TANC2: variants seen among roughly 807,000 people sequenced by gnomAD.
TANC2 encodes tetratricopeptide repeat, ankyrin repeat and coiled-coil containing 2, also known as protein TANC2.
In TANC2, 26 loss-of-function variants were observed where a neutral mutation model predicts 210.5. The ratio of observed to expected loss-of-function variants is 0.12; its 90% CI spans 0.09 to 0.17. The LOEUF is 0.17. Ranked by LOEUF, TANC2 falls within the 10% of genes least tolerant of loss-of-function variation. The pLI is 1.00. For missense variants in TANC2, 2,129 were observed against 2,608.9 expected (o/e 0.82, Z 4.01); for synonymous variants, 931 against 967.1 (o/e 0.96, Z 0.69).
intron 5 of TANC2, chr17:63,182,551 C>A (rs2040825351): frequency 8.5e-6 from 2 of 235,832 alleles, no homozygotes; most frequent in Non-Finnish European, 1.7e-5. Context: ...TTTGGGGAAT[C>A]AAAGGGGTTC....
intron 7 of TANC2, among the ~76,000 whole-genome samples, chr17:63,204,041 G>A (rs1012625855): frequency 8.7e-5 from 13 of 149,406 alleles, no homozygotes; most frequent in African/African-American, 2.2e-4. Context: ...TGTTAATGCC[G>A]TGACTGCAAA....
chr17:63,381,209 A>G (rs1259870981), intron 15 of TANC2: 3 of 152,194 alleles, frequency 2.0e-5, no homozygotes, highest in Non-Finnish European at 4.4e-5. Flanking sequence ...ATTTTATCCC[A>G]TACATGGAAA....
At chr17:63,282,484 C>T (rs1042846984) in intron 9 of TANC2, among the ~76,000 whole-genome samples, 2 of 152,072 alleles carry the variant, frequency 1.3e-5, no homozygotes, top group African/African-American at 2.4e-5. Context: ...AACCTGCTAT[C>T]AGAAACCATC....
exon 4 of TANC2, chr17:63,099,214 A>G (rs1436156823): frequency 6.2e-7 from 1 of 1,603,818 alleles, no homozygotes; most frequent in East Asian, 2.3e-5. Flanking sequence ...TTTGAGCCAG[A>G]CTACGCTGTC....
intron 2 of TANC2, among the ~76,000 whole-genome samples, chr17:63,044,622 C>G (rs1021206405): frequency 2.6e-5 from 4 of 152,100 alleles, no homozygotes; most frequent in Admixed American, 6.5e-5. Context: ...AATGGACTTG[C>G]AAATGTAGGT....
At chr17:63,324,914 G>GT (rs2146665457) in intron 11 of TANC2, among the ~76,000 whole-genome samples, 1 of 152,060 alleles carries the variant, frequency 6.6e-6, no homozygotes, top group African/African-American at 2.4e-5. Context: ...TAAAACATTT[G>GT]TTTTTTGCTA....
chr17:63,202,114 T>G (rs1451705258), intron 7 of TANC2, among the ~76,000 whole-genome samples: 2 of 152,124 alleles, frequency 1.3e-5, no homozygotes, highest in Non-Finnish European at 2.9e-5. Context: ...AGCTTCTCAG[T>G]TTTTATGGCT....
intron 4 of TANC2, among the ~76,000 whole-genome samples, chr17:63,136,459 G>A (rs2039092184): frequency 6.6e-6 from 1 of 151,962 alleles, no homozygotes; most frequent in Admixed American, 6.6e-5. Flanking sequence ...GACATGAACA[G>A]ATCACTTATA....
intron 7 of TANC2, among the ~76,000 whole-genome samples, chr17:63,233,087 C>A (rs748032991): frequency 6.6e-6 from 1 of 152,164 alleles, no homozygotes; most frequent in Admixed American, 6.5e-5. Context: ...GGGTCTAAAC[C>A]GCCCAGTCTC....
At chr17:63,289,915 A>G (rs967512414) in intron 9 of TANC2, among the ~76,000 whole-genome samples, 2 of 151,734 alleles carry the variant, frequency 1.3e-5, no homozygotes, top group Non-Finnish European at 1.5e-5. Context: ...TGTAAGCTTC[A>G]TAAGTGTTCC....
chr17:63,237,965 T>C (rs755821811), exon 8 of TANC2: 1 of 1,587,670 alleles, frequency 6.3e-7, no homozygotes, highest in Non-Finnish European at 8.6e-7. Flanking sequence ...AAAACATGAC[T>C]GCTTCCACCT....
At chr17:63,036,178 G>A (rs2034964710) in intron 2 of TANC2, among the ~76,000 whole-genome samples, 2 of 151,780 alleles carry the variant, frequency 1.3e-5, no homozygotes, top group Admixed American at 6.6e-5. Context: ...AATGGTTCAT[G>A]TTTTTGCTAT....
At chr17:63,370,193 T>A (rs2047224212) in intron 14 of TANC2, among the ~76,000 whole-genome samples, 1 of 151,032 alleles carries the variant, frequency 6.6e-6, no homozygotes, top group Non-Finnish European at 1.5e-5. Flanking sequence ...TTTTTTTTTT[T>A]TTTGAGACAG....
intron 14 of TANC2, among the ~76,000 whole-genome samples, chr17:63,362,436 C>T (rs997619321): frequency 1.3e-5 from 2 of 152,182 alleles, no homozygotes; most frequent in African/African-American, 2.4e-5. Flanking sequence ...TCACTGGGGA[C>T]CCACTCCTTT....
chr17:63,273,890 G>A (rs553933729), intron 9 of TANC2, among the ~76,000 whole-genome samples: 15 of 152,290 alleles, frequency 9.8e-5, no homozygotes, highest in East Asian at 3.9e-4. Flanking sequence ...GGCAAGCCGT[G>A]TCTTAAACCT....
At chr17:63,323,550 T>C (rs911360658) in intron 11 of TANC2, among the ~76,000 whole-genome samples, 5 of 152,192 alleles carry the variant, frequency 3.3e-5, no homozygotes, top group African/African-American at 1.2e-4. Flanking sequence ...TTTCTCTAGG[T>C]TTTGAATCTG....
chr17:63,100,710 C>G (rs2037588532), intron 4 of TANC2, among the ~76,000 whole-genome samples: 1 of 152,132 alleles, frequency 6.6e-6, no homozygotes, highest in Admixed American at 6.6e-5. Flanking sequence ...TAGAAGTGAG[C>G]TGGATTGCCT....
In TANC2 at chr17:63,013,063, C is replaced by CT. The variant is rs760218214; in HGVS notation, c.67+3450dup. Among the ~76,000 whole-genome samples, 413 of 141,016 alleles carry CT rather than the reference C, an allele frequency of 2.9e-3. 2 individuals are homozygous for CT. The highest frequency in any genetic ancestry group is 0.022 in the Middle Eastern group (6 of 276). 92.5% of individuals were successfully genotyped at this position (141,016 alleles called of 152,430 possible). A position where few individuals can be genotyped will look rare whatever the true frequency, so the allele number is the denominator to read the frequency against. On this transcript the variant is annotated intron_variant, in intron 2 of 27. Transcript: ENST00000689528. ...TGCCTTCATTTTTGTAGATTTTTTT[C>CT]TTTTTTTTTTTTTAAGAGATGGGGT...
At chr17:63,068,454 G>A (rs2036281109) in intron 2 of TANC2, among the ~76,000 whole-genome samples, 1 of 152,068 alleles carries the variant, frequency 6.6e-6, no homozygotes, top group African/African-American at 2.4e-5. Context: ...TCTTGAACAT[G>A]TGCACAAGGA....
Sources: gnomAD v4.1 joint callset for allele counts (sites outside exome capture counted in the v4.1 genomes callset) on GRCh38, gnomAD v4.1.1 for gene constraint, MANE v1.5 for transcripts, NCBI Gene and HGNC (gene_info 2026-07-23, HGNC 2026-07-21) for gene names.